NRXN1: variants seen among roughly 807,000 people sequenced by gnomAD.
NRXN1 encodes the protein neurexin 1, also known as neurexin-1.
A neutral mutation model predicts 150.9 loss-of-function variants in NRXN1; 39 were observed. The observed-to-expected ratio is 0.26, with a 90% CI of 0.20 to 0.34. The LOEUF (loss-of-function observed/expected upper bound fraction) is 0.34, where lower values mean the gene tolerates loss of function less well. Ranked by LOEUF, NRXN1 falls within the 10% of genes least tolerant of loss-of-function variation. The probability of loss-of-function intolerance (pLI) is 1.00; values close to 1 mark genes in which losing one functional copy is unlikely to be tolerated. For missense variants in NRXN1, 1,815 were observed against 1,949.9 expected (o/e 0.93, Z 1.30); for synonymous variants, 924 against 757.0 (o/e 1.22, Z -3.62).
At chr2:50,838,845 A>G (rs1194056650) in intron 5 of NRXN1, among the ~76,000 whole-genome samples, 1 of 152,102 alleles carries the variant, frequency 6.6e-6, no homozygotes, top group East Asian at 1.9e-4. Context: ...GAGACAATAA[A>G]TGTCAATAAA....
At chr2:50,747,943 G>A (rs1188549289) in intron 5 of NRXN1, among the ~76,000 whole-genome samples, 1 of 152,068 alleles carries the variant, frequency 6.6e-6, no homozygotes, top group Non-Finnish European at 1.5e-5. Context: ...CATCAACACT[G>A]TCCTAGCTGT....
intron 21 of NRXN1, among the ~76,000 whole-genome samples, chr2:49,947,025 A>G (rs1161059535): frequency 1.1e-4 from 17 of 152,170 alleles, no homozygotes; most frequent in Non-Finnish European, 2.1e-4. Context: ...CTTGCTGGGT[A>G]ATATACAAAC....
chr2:50,411,988 G>C (rs886915619), intron 17 of NRXN1, among the ~76,000 whole-genome samples: 73 of 152,300 alleles, frequency 4.8e-4, no homozygotes, highest in African/African-American at 1.7e-3. Flanking sequence ...CTTCTGCCTT[G>C]GGATGCTGTT....
chr2:49,999,874 T>G (rs543081020), intron 21 of NRXN1, among the ~76,000 whole-genome samples: 5 of 152,348 alleles, frequency 3.3e-5, no homozygotes, highest in African/African-American at 1.2e-4. Flanking sequence ...AAAGTATATT[T>G]CCTACCTTCA....
intron 5 of NRXN1, among the ~76,000 whole-genome samples, chr2:50,850,742 GT>G (rs10559451): frequency 0.098 from 14,664 of 150,302 alleles, 797 homozygotes; most frequent in Admixed American, 0.096. Flanking sequence ...TTAAACTAAG[GT>G]TTTTTTTTTT....
At chr2:50,537,549 T>G (rs2093291020) in intron 10 of NRXN1, among the ~76,000 whole-genome samples, 1 of 152,170 alleles carries the variant, frequency 6.6e-6, no homozygotes, top group Non-Finnish European at 1.5e-5. Flanking sequence ...AAATAAAATG[T>G]GGGTTTGCCT....
chr2:50,121,577 G>A (rs776400516), intron 18 of NRXN1, among the ~76,000 whole-genome samples: 1 of 152,104 alleles, frequency 6.6e-6, no homozygotes, highest in Admixed American at 6.6e-5. Context: ...GTGTGCAGGG[G>A]AATGTTTCTG....
At chr2:49,961,322 A>G (rs1018947307) in intron 21 of NRXN1, among the ~76,000 whole-genome samples, 1 of 123,356 alleles carries the variant, frequency 8.1e-6, no homozygotes, top group African/African-American at 4.0e-5. Context: ...GCACGCATGC[A>G]CACACACACA....
chr2:50,593,660 T>C (rs1369114903), intron 8 of NRXN1, among the ~76,000 whole-genome samples: 1 of 152,236 alleles, frequency 6.6e-6, no homozygotes, highest in Non-Finnish European at 1.5e-5. Context: ...ATTTTATTTG[T>C]TGCTTGCAAA....
In NRXN1 at chr2:49,922,130, A is replaced by G. The variant is rs796052759; in HGVS notation, c.4338T>C (p.Leu1446=). 5.6e-6 allele frequency: 9 copies of G among 1,614,006 alleles called. No homozygotes were observed. The highest frequency in any genetic ancestry group is 7.6e-6 in the Non-Finnish European group (9 of 1,180,028). ...GIVAAAALCI[L]ILLYAMYKYR... is the part of the protein sequence containing the mutation. Reference sequence around the variant, plus strand: ...ACTTGTACATGGCATAGAGGAGGATAAGGATGCACAGGGCGGCAGCGGCTA... The same window carrying G: ...ACTTGTACATGGCATAGAGGAGGATGAGGATGCACAGGGCGGCAGCGGCTA... Residue 1446 remains leucine (L), a synonymous_variant, in exon 23 of 23, where the codon CTT becomes CTC. Transcript: ENST00000401669.
intron 19 of NRXN1, among the ~76,000 whole-genome samples, chr2:50,089,118 G>C (rs772402748): frequency 6.6e-6 from 1 of 152,038 alleles, no homozygotes; most frequent in Non-Finnish European, 1.5e-5. Context: ...CAAACTAATG[G>C]GACTTTCCCT....
intron 5 of NRXN1, among the ~76,000 whole-genome samples, chr2:50,753,965 G>T (rs201729466): frequency 0.27 from 18,509 of 67,308 alleles, 1,481 homozygotes; most frequent in African/African-American, 0.35. Context: ...ATTTTTTTTT[G>T]GGGGGGGGCG....
At chr2:50,294,857 A>G (rs965039010) in intron 17 of NRXN1, among the ~76,000 whole-genome samples, 1 of 152,162 alleles carries the variant, frequency 6.6e-6, no homozygotes, top group Admixed American at 6.6e-5. Flanking sequence ...CTCTCCTGGG[A>G]AAGTTTAAAT....
chr2:50,865,663 T>G (rs1056071524), intron 5 of NRXN1, among the ~76,000 whole-genome samples: 6 of 126,850 alleles, frequency 4.7e-5, no homozygotes, highest in Non-Finnish European at 8.6e-5. Flanking sequence ...TGAAAGTTTT[T>G]TTTTTTTTTT....
chr2:50,314,947 C>A (rs1365794210), intron 17 of NRXN1, among the ~76,000 whole-genome samples: 1 of 151,626 alleles, frequency 6.6e-6, no homozygotes, highest in Admixed American at 6.6e-5. Context: ...ACTTACCCAG[C>A]TTTGGATTTT....
chr2:50,361,427 G>A lies in NRXN1; in HGVS notation c.3364+104015C>T, dbSNP rs565470048. Among the ~76,000 whole-genome samples the A allele has an allele frequency of 2.0e-5, 3 of 151,768 alleles. 1 individual carries two copies. In the East Asian group the frequency reaches 5.8e-4, roughly 29 times the overall value. Reference sequence around the variant, plus strand: ...AGACACAATAAAAAAATGATAAAGGGGATATCACCACTGATCCCACAGATA... The same window carrying A: ...AGACACAATAAAAAAATGATAAAGGAGATATCACCACTGATCCCACAGATA... On this transcript the variant is annotated intron_variant, in intron 17 of 22. Coordinates refer to ENST00000401669, the MANE Select transcript of NRXN1 (RefSeq NM_001330078.2).
chr2:49,959,317 T>A (rs1675507310), intron 21 of NRXN1, among the ~76,000 whole-genome samples: 1 of 152,148 alleles, frequency 6.6e-6, no homozygotes, highest in Admixed American at 6.6e-5. Context: ...CTTTGCTACC[T>A]GAAAAACTCG....
chr2:50,283,460 T>G (rs1432365080), intron 17 of NRXN1, among the ~76,000 whole-genome samples: 1 of 152,156 alleles, frequency 6.6e-6, no homozygotes, highest in Non-Finnish European at 1.5e-5. Flanking sequence ...TATGCCAAAA[T>G]GAATCAATAA....
intron 5 of NRXN1, among the ~76,000 whole-genome samples, chr2:50,749,555 A>G (rs1700361817): frequency 6.6e-6 from 1 of 152,116 alleles, no homozygotes; most frequent in Admixed American, 6.6e-5. Flanking sequence ...GAAAATATCT[A>G]TTAAAGCATT....
Sources: allele counts gnomAD v4.1 joint callset (sites outside exome capture counted in the v4.1 genomes callset), GRCh38; gene constraint gnomAD v4.1.1; transcripts MANE v1.5; gene names NCBI Gene and HGNC (gene_info 2026-07-23, HGNC 2026-07-21).